Variants in LTBP2 observed in about 807,000 individuals in gnomAD.
LTBP2 encodes latent-transforming growth factor beta-binding protein 2.
Under a neutral mutation model 210.6 loss-of-function variants are expected in LTBP2, and 103 were observed. The observed-to-expected ratio is 0.49, with a 90% CI of 0.42 to 0.58. The LOEUF (loss-of-function observed/expected upper bound fraction) is 0.58. Among genes scored for constraint, LTBP2 ranks in the 20% least tolerant of loss-of-function variants. The pLI is 0.00. For synonymous variants in LTBP2, 1,007 were observed against 1,015.0 expected, an observed-to-expected ratio of 0.99 and a Z score of 0.15; for missense variants, 2,313 against 2,494.5, an observed-to-expected ratio of 0.93 and a Z score of 1.55.
At chr14:74,541,762 A>C (rs2087511395) in intron 8 of LTBP2, among the ~76,000 whole-genome samples, 1 of 152,026 alleles carries the variant, frequency 6.6e-6, no homozygotes, top group Admixed American at 6.5e-5. Context: ...AGAGGGAATA[A>C]GAAAAAAAAA....
rs2139789102 is a variant in LTBP2 at position 74,586,698 on chromosome 14, G to A, written c.566-580C>T. Among the ~76,000 whole-genome samples the A allele has an allele frequency of 6.6e-6, 1 of 152,290 alleles. No individual in the cohort carries two copies. Among genetic ancestry groups the A allele is most frequent in the Admixed American group, 6.5e-5 (1 of 15,298 alleles). On this transcript the variant is annotated intron_variant, in intron 2 of 35. Transcript: ENST00000261978. The surrounding 1 kb of genome is among the most constrained non-coding windows in gnomAD (Gnocchi z 4.6). ...AATCACGGGAGGGGTGAACTAAGGA[G>A]GCTGGAGGACTCTAAGGGTCCTTCA...
At chr14:74,546,190 A>T (rs1035208204) in intron 8 of LTBP2, among the ~76,000 whole-genome samples, 5 of 152,116 alleles carry the variant, frequency 3.3e-5, no homozygotes, top group Non-Finnish European at 5.9e-5. Flanking sequence ...CCAGAAGCAT[A>T]AGCCTATTTT....
At chr14:74,522,185 A>T in intron 16 of LTBP2, 146 bp from the exon 17 acceptor site, 1 of 994,688 alleles carries the variant, frequency 1.0e-6, no homozygotes, top group Non-Finnish European at 1.5e-6. Context: ...GGAGGCTGAA[A>T]ATCTCTAAGG....
rs1172268821 is a variant in LTBP2, at chr14:74,552,289, G to T, written c.1297C>A (p.Gln433Lys). Residue 433 changes from glutamine (Q) to lysine (K), a missense_variant, in exon 6 of 36, where the codon CAG (glutamine) becomes AAG (lysine). Around this residue, in one of 3 missense-constraint regions of LTBP2, gnomAD observed 1,867 missense variants for 1,976.9 expected, o/e 0.94. Transcript: ENST00000261978. ...CTCCCTGGAGGCTCCCTGTCCGGCT[G>T]CGGGATAGGCAGGTGGCAGAACTTC... The part of the protein sequence containing the change: ...TGKFCHLPIP[Q>K]PDREPPGRGS... 7 of 1,613,414 alleles carry T rather than the reference G, an allele frequency of 4.3e-6. No individual in the cohort carries two copies. Among genetic ancestry groups the T allele is most frequent in the South Asian group, 1.1e-5 (1 of 91,084 alleles).
Position 74,508,984 on chromosome 14 carries a change from G to T in LTBP2, c.3404-32C>A, listed in dbSNP as rs371132964. On this transcript the variant is annotated intron_variant, in intron 22 of 35. Transcript: ENST00000261978. ...GGCCACACAGGGGAGGAAGACAGCC[G>T]ATGGCAGCACCTCCCAAGGACAGGA... 1.4e-5 allele frequency: 23 copies of T among 1,611,472 alleles called. No homozygotes were observed. In the African/African-American group the frequency reaches 2.9e-4, roughly 21 times the overall value.
chr14:74,501,563 T>C lies in LTBP2; in HGVS notation c.5198A>G (p.Gln1733Arg), dbSNP rs1349920534. The change falls in exon 35 of 36, where the codon CAG (glutamine) becomes CGG (arginine). Residue 1733 changes from glutamine to arginine, a missense_variant. Coordinates refer to ENST00000261978, the MANE Select transcript of LTBP2 (RefSeq NM_000428.3). Reference protein sequence around the residue: ...PEPPAGFEGLQAEECGILNGC... With the variant: ...PEPPAGFEGLRAEECGILNGC... ...GTTCAGGATGCCGCACTCCTCCGCC[T>C]GAAGCCCTTCGAAGCCGGCTGGGGG... is the stretch of plus-strand genomic sequence containing the variant. 2.5e-6 allele frequency: 4 copies of C among 1,614,130 alleles called. No homozygotes were observed. Among genetic ancestry groups the C allele is most frequent in the Non-Finnish European group, 1.7e-6 (2 of 1,180,034 alleles).
At chr14:74,531,525 A>G (rs1394546862) in intron 10 of LTBP2, among the ~76,000 whole-genome samples, 1 of 151,854 alleles carries the variant, frequency 6.6e-6, no homozygotes, top group African/African-American at 2.4e-5. Flanking sequence ...CTCTCTGGGC[A>G]CCCCCCTCCT....
rs775251289 is a variant in LTBP2 at position 74,552,912 on chromosome 14, G to A, written c.1172C>T (p.Pro391Leu). The change falls in exon 5 of 36, where the codon CCC becomes CTC. Residue 391 changes from proline (P) to leucine (L), a missense_variant. This residue lies in a region of LTBP2 where 1,867 missense variants were observed against 1,976.9 expected (regional missense o/e 0.94). Coordinates refer to ENST00000261978, the MANE Select transcript of LTBP2 (RefSeq NM_000428.3). ...CTCACAGATGCGGAAGCCAGACTTG[G>A]GATCGTGCCCATGGCCGCCCTGGCT... is the stretch of plus-strand genomic sequence containing the variant. ...LYSQGGHGHDPKSGFRIYFCQ... is the reference protein window; with the variant it reads ...LYSQGGHGHDLKSGFRIYFCQ... 1 of 1,613,508 alleles carries A rather than the reference G, an allele frequency of 6.2e-7. No homozygotes were observed. Among genetic ancestry groups the A allele is most frequent in the Non-Finnish European group, 8.5e-7 (1 of 1,179,784 alleles).
In LTBP2 at chr14:74,506,874, TGTGTGC is replaced by T. The variant is rs774656992; in HGVS notation, c.3908-57_3908-52del. On this transcript the variant is annotated intron_variant, in intron 26 of 35. Coordinates refer to ENST00000261978, the MANE Select transcript of LTBP2 (RefSeq NM_000428.3). ...GAGGATGTGTGTGTGTGTGTGTGTG[TGTGTGC>T]GCGCGCGCGTGTGTGCTCACTCTCT... 2,569 of 1,206,598 alleles carry T rather than the reference TGTGTGC, an allele frequency of 2.1e-3. 13 individuals carry two copies. The African/African-American group carries it at 0.035, about 17-fold the overall frequency. 74.7% of individuals were successfully genotyped at this position (1,206,598 alleles called of 1,614,324 possible). A position where few individuals can be genotyped will look rare whatever the true frequency, so the allele number is the denominator to read the frequency against.
chr14:74,574,803 A>C (rs571102747), intron 3 of LTBP2, among the ~76,000 whole-genome samples: 1 of 152,230 alleles, frequency 6.6e-6, no homozygotes, highest in African/African-American at 2.4e-5. Context: ...CTAGGTTGTC[A>C]TCAGAGAGTT....
At chr14:74,583,343 C>A (rs891831835) in intron 3 of LTBP2, among the ~76,000 whole-genome samples, 3 of 152,246 alleles carry the variant, frequency 2.0e-5, no homozygotes, top group Middle Eastern at 3.2e-3. Context: ...GCTTGAGAAA[C>A]CTGGCCAAGG....
At chr14:74,508,554 C>T (rs2087021802) in intron 24 of LTBP2, 50 bp downstream of exon 24, 1 of 1,581,958 alleles carries the variant, frequency 6.3e-7, no homozygotes. Context: ...GGTAGCTGTG[C>T]TGGCTTCCCA....
At chr14:74,506,561 C>T (rs2086987739) in intron 27 of LTBP2, 137 bp downstream of exon 27, 4 of 1,397,068 alleles carry the variant, frequency 2.9e-6, no homozygotes, top group Non-Finnish European at 3.0e-6. Context: ...GTTGAAGTCT[C>T]CCTCTTCTTT....
rs111284389 is a variant in LTBP2 at position 74,532,560 on chromosome 14, G to A, written c.1865-12C>T. 385 of 1,613,904 alleles carry A rather than the reference G, an allele frequency of 2.4e-4. 1 individual carries two copies. In the African/African-American group the frequency reaches 4.3e-3, roughly 18 times the overall value. On this transcript the variant is annotated splice_polypyrimidine_tract_variant and intron_variant, in intron 9 of 35. Transcript: ENST00000261978. Reference sequence around the variant, plus strand: ...GCACTCGTTGATATCTGCAGGGTTGGAGGAGATGACCAAGTGCCCGCCCCA... The same window carrying A: ...GCACTCGTTGATATCTGCAGGGTTGAAGGAGATGACCAAGTGCCCGCCCCA...
At chr14:74,579,626 C>T (rs543786514) in intron 3 of LTBP2, among the ~76,000 whole-genome samples, 1 of 152,260 alleles carries the variant, frequency 6.6e-6, no homozygotes, top group Non-Finnish European at 1.5e-5. Context: ...CATACGCTCC[C>T]AGCAGTCCTG....
intron 3 of LTBP2, among the ~76,000 whole-genome samples, chr14:74,564,900 A>G (rs1434400385): frequency 1.3e-5 from 2 of 152,142 alleles, no homozygotes. Context: ...AAACCAGGTA[A>G]CTTCATCCTA....
rs750625790 is a variant in LTBP2, at chr14:74,498,975, T to C, written c.*1909A>G. 7 of 221,852 alleles carry C rather than the reference T, an allele frequency of 3.2e-5. No homozygotes were observed. The highest frequency in any genetic ancestry group is 6.6e-5 in the East Asian group (1 of 15,134). The allele number at this position is 221,852 out of a possible 1,614,324, so 13.7% of individuals were successfully genotyped here. A position where few individuals can be genotyped will look rare whatever the true frequency, so the allele number is the denominator to read the frequency against. On this transcript the variant is annotated 3_prime_UTR_variant, in exon 36 of 36. Coordinates refer to ENST00000261978, the MANE Select transcript of LTBP2 (RefSeq NM_000428.3). ...ATAACTTCTTACGTATGTCATTTTATATCTGGTGAAAATATATCTGAAGGT... is the reference window on the plus strand; with the variant it reads ...ATAACTTCTTACGTATGTCATTTTACATCTGGTGAAAATATATCTGAAGGT...
Position 74,551,125 on chromosome 14 carries a change from G to C in LTBP2, c.1625C>G (p.Pro542Arg), listed in dbSNP as rs747800532. The C allele has an allele frequency of 6.2e-7, 1 of 1,613,858 alleles. No individual in the cohort carries two copies. The highest frequency in any genetic ancestry group is 1.3e-5 in the African/African-American group (1 of 75,060). The change falls in exon 7 of 36, where the codon CCA becomes CGA. Residue 542 changes from proline (P) to arginine (R), a missense_variant. This residue lies in a region of LTBP2 where 1,867 missense variants were observed against 1,976.9 expected (regional missense o/e 0.94). Coordinates refer to ENST00000261978, the MANE Select transcript of LTBP2 (RefSeq NM_000428.3). ...RSGEPPRPLP[P>R]AAPRPRGLLG... is the part of the protein sequence containing the mutation. ...CAGTCCTCGAGGCCTGGGTGCTGCT[G>C]GGGGCAGTGGCCGAGGGGGCTCTCC...
rs746092486 is a variant in LTBP2 at position 74,503,465 on chromosome 14, T to C, written c.4720+4A>G. 5.6e-6 allele frequency: 9 copies of C among 1,610,726 alleles called. No individual in the cohort carries two copies. The highest frequency in any genetic ancestry group is 1.1e-5 in the South Asian group (1 of 90,706). On this transcript the variant is annotated splice_donor_region_variant and intron_variant, in intron 32 of 35. Coordinates refer to ENST00000261978, the MANE Select transcript of LTBP2 (RefSeq NM_000428.3). ...CCTGCTCCCCCACGCTCAGGCCCAC[T>C]CACCCGTGCTGCTGGTGCTGTTCAT...
Sources: gnomAD v4.1 joint callset for allele counts (sites outside exome capture counted in the v4.1 genomes callset) on GRCh38, gnomAD v4.1.1 for gene constraint, gnomAD v4.1.1 regional missense constraint, Gnocchi (gnomAD v3.1) non-coding constraint, MANE v1.5 for transcripts, NCBI Gene and HGNC (gene_info 2026-07-23, HGNC 2026-07-21) for gene names.